The following CCDC126 variants were observed in gnomAD, a reference collection of about 807,000 sequenced individuals.
CCDC126 encodes coiled-coil domain containing 126.
Under a neutral mutation model 11.7 loss-of-function variants are expected in CCDC126, and 5 were observed. The ratio of observed to expected loss-of-function variants is 0.43; its 90% confidence interval spans 0.22 to 0.90. The LOEUF is 0.90. Among genes scored for constraint, CCDC126 ranks in the 40% least tolerant of loss-of-function variants. The probability of loss-of-function intolerance (pLI) is 0.27; values close to 1 mark genes in which losing one functional copy is unlikely to be tolerated. For missense variants in CCDC126, 150 were observed against 163.1 expected (o/e 0.92, Z 0.44); for synonymous variants, 60 against 61.9 (o/e 0.97, Z 0.14).
At position 23,637,258 on chromosome 7, in the gene CCDC126, G is replaced by T. The variant is rs1255264899; in HGVS notation, c.239-5673G>T. 6.5e-3 allele frequency among the ~76,000 whole-genome samples: 13 copies of T among 2,000 alleles called. 3 individuals carry two copies. Among genetic ancestry groups the T allele is most frequent in the Admixed American group, 0.026 (5 of 192 alleles). The allele number at this position is 2,000 out of a possible 152,430, so 1.3% of individuals were successfully genotyped here. A position where few individuals can be genotyped will look rare whatever the true frequency, so the allele number is the denominator to read the frequency against. On this transcript the variant is annotated intron_variant, in intron 3 of 3. Transcript: ENST00000307471. ...GCCCCGTTCGGGAGGGAGGTGGGGG[G>T]GGTCAGCCCCCCGCCCCGGCCAGCC...
chr7:23,617,279 C>T (rs770268703), intron 3 of CCDC126, among the ~76,000 whole-genome samples: 16 of 133,628 alleles, frequency 1.2e-4, no homozygotes, highest in Admixed American at 6.3e-4. Context: ...ATCCAGGAGA[C>T]GGAGGTTGCA....
chr7:23,642,468 A>G (rs1783379145), intron 3 of CCDC126, among the ~76,000 whole-genome samples: 1 of 152,090 alleles, frequency 6.6e-6, no homozygotes, highest in Non-Finnish European at 1.5e-5. Flanking sequence ...GATGTTGTTG[A>G]TTTAAAAATT....
chr7:23,611,922 T>TC (rs1782718663), intron 3 of CCDC126, among the ~76,000 whole-genome samples: 1 of 151,992 alleles, frequency 6.6e-6, no homozygotes, highest in Admixed American at 6.6e-5. Flanking sequence ...GGCGGATGGA[T>TC]CACGAGGTCA....
intron 2 of CCDC126, chr7:23,602,033 A>T (rs184302694): frequency 4.0e-4 from 61 of 152,306 alleles, no homozygotes; most frequent in Non-Finnish European, 6.3e-4. Flanking sequence ...ACAAGCACAT[A>T]TCTTTATGTC....
chr7:23,617,788 C>T (rs189699662), intron 3 of CCDC126, among the ~76,000 whole-genome samples: 27 of 152,226 alleles, frequency 1.8e-4, no homozygotes, highest in Middle Eastern at 6.8e-3. Flanking sequence ...CTAGATTGAC[C>T]TGTAAAACTC....
Position 23,611,457 on chromosome 7 carries a change from C to T in CCDC126, c.142C>T (p.Gln48Ter). 3 of 1,613,830 alleles carry T rather than the reference C, an allele frequency of 1.9e-6. No homozygotes were observed. The highest frequency in any genetic ancestry group is 2.2e-5 in the South Asian group (2 of 91,074). ...TCAAAGCAGTGTCAAGTTACGTGAGCAAATACTAGACTTAAGCAAAAGATA... is the reference window on the plus strand; with the variant it reads ...TCAAAGCAGTGTCAAGTTACGTGAGTAAATACTAGACTTAAGCAAAAGATA... ...RHQSSVKLREQILDLSKRYVK... is the reference protein window; with the variant it reads ...RHQSSVKLRE The change falls in exon 3 of 4, where the codon CAA (glutamine) becomes TAA (stop). Residue 48 changes from glutamine to a stop codon, truncating the protein, a stop_gained. Transcript: ENST00000307471. LOFTEE classifies it high-confidence loss of function.
rs112770753 is a variant in CCDC126, at chr7:23,606,878, G to A, written c.-145-4293G>A. 1.8e-4 allele frequency among the ~76,000 whole-genome samples: 27 copies of A among 152,122 alleles called. 2 individuals carry two copies. The highest frequency in any genetic ancestry group is 4.6e-4 in the African/African-American group (19 of 41,498). On this transcript the variant is annotated intron_variant, in intron 2 of 3. Coordinates refer to ENST00000307471, the MANE Select transcript of CCDC126 (RefSeq NM_138771.4). ...GTGAGGCCAGGTGATCACGTGATGA[G>A]GCAGGAGGATCACGTGAGACCAGAC...
intron 3 of CCDC126, among the ~76,000 whole-genome samples, chr7:23,623,505 A>G (rs1005193375): frequency 7.9e-5 from 12 of 151,540 alleles, no homozygotes; most frequent in African/African-American, 2.2e-4. Flanking sequence ...CTGAGGCAGG[A>G]GAGTCACTTG....
chr7:23,629,110 C>T (rs566833960), intron 3 of CCDC126, among the ~76,000 whole-genome samples: 1 of 152,294 alleles, frequency 6.6e-6, no homozygotes, highest in East Asian at 1.9e-4. Context: ...AGGAAGGTCT[C>T]AGACTGAATG....
chr7:23,623,698 T>G (rs79874353), intron 3 of CCDC126, among the ~76,000 whole-genome samples: 1 of 152,170 alleles, frequency 6.6e-6, no homozygotes, highest in Non-Finnish European at 1.5e-5. Context: ...GTGTGGTGCA[T>G]ATACTTAATA....
chr7:23,599,519 T>C (rs1240885814), intron 2 of CCDC126, among the ~76,000 whole-genome samples: 1 of 151,952 alleles, frequency 6.6e-6, no homozygotes, highest in African/African-American at 2.4e-5. Context: ...TTTTTTTTTT[T>C]TGAGACAGAG....
At chr7:23,607,234 C>T (rs1782638549) in intron 2 of CCDC126, among the ~76,000 whole-genome samples, 1 of 152,164 alleles carries the variant, frequency 6.6e-6, no homozygotes, top group South Asian at 2.1e-4. Context: ...AGATTGTAGA[C>T]TGTTTTGATG....
chr7:23,633,434 G>C lies in CCDC126; in HGVS notation c.239-9497G>C, dbSNP rs555594032. On this transcript the variant is annotated intron_variant, in intron 3 of 3. Transcript: ENST00000307471. ...TACACTTAATCATAGAATTGATGAG[G>C]TCTTTGAAAGCACTTTTACCTATGG... Among the ~76,000 whole-genome samples the C allele has an allele frequency of 6.9e-4, 105 of 152,264 alleles. No individual in the cohort carries two copies. The Middle Eastern group carries it at 0.01, about 15-fold the overall frequency.
At chr7:23,605,133 T>C (rs1200374660) in intron 2 of CCDC126, among the ~76,000 whole-genome samples, 1 of 152,078 alleles carries the variant, frequency 6.6e-6, no homozygotes, top group African/African-American at 2.4e-5. Context: ...AGGAACAGGT[T>C]GTAGGGAAAG....
chr7:23,637,111 G>T (rs1193410911), intron 3 of CCDC126, among the ~76,000 whole-genome samples: 33 of 68,824 alleles, frequency 4.8e-4, no homozygotes, highest in South Asian at 6.3e-4. Flanking sequence ...CAGCCGCCCC[G>T]TCCGGGAGGT....
intron 3 of CCDC126, among the ~76,000 whole-genome samples, chr7:23,619,057 C>G (rs151168244): frequency 6.8e-4 from 103 of 152,256 alleles, no homozygotes; most frequent in African/African-American, 2.4e-3. Flanking sequence ...TCTCAGCACT[C>G]ACTACCTTCA....
At chr7:23,635,974 A>G (rs1372722103) in intron 3 of CCDC126, among the ~76,000 whole-genome samples, 1 of 148,500 alleles carries the variant, frequency 6.7e-6, no homozygotes, top group African/African-American at 2.5e-5. Flanking sequence ...GCTCACTGCA[A>G]CCTCCCTGCC....
intron 3 of CCDC126, among the ~76,000 whole-genome samples, chr7:23,630,477 G>C (rs930092570): frequency 6.7e-6 from 1 of 149,872 alleles, no homozygotes; most frequent in Non-Finnish European, 1.5e-5. Context: ...CAGCCTGGGT[G>C]ACAAAGTGAG....
intron 3 of CCDC126, among the ~76,000 whole-genome samples, chr7:23,634,183 C>T (rs12700452): frequency 2.0e-5 from 3 of 152,180 alleles, no homozygotes; most frequent in Non-Finnish European, 4.4e-5. Context: ...TGATGGCTCA[C>T]GCCTGTAATC....
Sources: allele counts gnomAD v4.1 joint callset (sites outside exome capture counted in the v4.1 genomes callset), GRCh38; gene constraint gnomAD v4.1.1; transcripts MANE v1.5; gene names NCBI Gene and HGNC (gene_info 2026-07-23, HGNC 2026-07-21).